The following PHF3 variants were observed in gnomAD, a reference collection of about 807,000 sequenced individuals.
The protein encoded by PHF3 is PHD finger protein 3.
A neutral mutation model predicts 178.4 loss-of-function variants in PHF3; 41 were observed. That is an observed-to-expected ratio of 0.23 (90% confidence interval 0.18 to 0.30). The LOEUF is 0.30. Ranked by LOEUF, PHF3 falls within the 10% of genes least tolerant of loss-of-function variation. PHF3 has a pLI of 1.00. For synonymous variants in PHF3, 842 were observed against 800.5 expected, an observed-to-expected ratio of 1.05 and a Z score of -0.88; for missense variants, 2,346 against 2,398.1, an observed-to-expected ratio of 0.98 and a Z score of 0.45.
At chr6:63,658,703 A>G (rs1765337944) in intron 2 of PHF3, among the ~76,000 whole-genome samples, 1 of 137,938 alleles carries the variant, frequency 7.2e-6, no homozygotes, top group Non-Finnish European at 1.5e-5. Context: ...CAGAACCAAT[A>G]GATTTTGTGT....
At chr6:63,710,279 C>T (rs1372226533) in intron 14 of PHF3, among the ~76,000 whole-genome samples, 2 of 152,066 alleles carry the variant, frequency 1.3e-5, no homozygotes, top group Admixed American at 6.6e-5. Context: ...ATATTACTGC[C>T]CAACACTTTA....
chr6:63,642,027 T>TAGTATAACAAACCTGACAA (rs1764598670), intron 1 of PHF3, among the ~76,000 whole-genome samples: 1 of 152,224 alleles, frequency 6.6e-6, no homozygotes, highest in Admixed American at 6.5e-5. Flanking sequence ...GCTATTTTGT[T>TAGTATAACAAACCTGACAA]AGTATAAACT....
intron 1 of PHF3, among the ~76,000 whole-genome samples, chr6:63,641,338 C>A (rs975456909): frequency 6.6e-6 from 1 of 152,104 alleles, no homozygotes; most frequent in Non-Finnish European, 1.5e-5. Context: ...CCATCACCAC[C>A]ACCATCACTA....
chr6:63,640,646 A>G (rs898144373), intron 1 of PHF3, among the ~76,000 whole-genome samples: 1 of 151,878 alleles, frequency 6.6e-6, no homozygotes, highest in Non-Finnish European at 1.5e-5. Context: ...GAGATAGCTT[A>G]AACAAACAAA....
In PHF3 at chr6:63,712,679, A is replaced by G. The variant is rs1247176035; in HGVS notation, c.5091A>G (p.Val1697=). The G allele has an allele frequency of 6.2e-7, 1 of 1,613,878 alleles. No homozygotes were observed. The highest frequency in any genetic ancestry group is 1.3e-5 in the African/African-American group (1 of 74,910). Residue 1697 remains valine (V), a synonymous_variant, in exon 16 of 16, where the codon GTA becomes GTG. Coordinates refer to ENST00000262043, the MANE Select transcript of PHF3 (RefSeq NM_001370348.2). ...AGCACTTAACAGAACAAATCAATGTAGAGGAAAAGTTGTGTTCTGCAGAGA... is the reference window on the plus strand; with the variant it reads ...AGCACTTAACAGAACAAATCAATGTGGAGGAAAAGTTGTGTTCTGCAGAGA... ...NKEHLTEQIN[V]EEKLCSAEKN...
intron 2 of PHF3, among the ~76,000 whole-genome samples, chr6:63,666,158 C>G (rs369343757): frequency 1.3e-5 from 2 of 152,104 alleles, no homozygotes; most frequent in African/African-American, 4.8e-5. Flanking sequence ...ATAAGGATGT[C>G]TTTTGAAGGA....
rs1173037733 is a variant in PHF3 at position 63,722,731 on chromosome 6, C to G, written c.*9023C>G. Among the ~76,000 whole-genome samples the G allele has an allele frequency of 6.6e-6, 1 of 152,162 alleles. No homozygotes were observed. Among genetic ancestry groups the G allele is most frequent in the African/African-American group, 2.4e-5 (1 of 41,444 alleles). On this transcript the variant is annotated 3_prime_UTR_variant, in exon 16 of 16. Coordinates refer to ENST00000262043, the MANE Select transcript of PHF3 (RefSeq NM_001370348.2). The stretch of plus-strand genomic sequence containing the variant: ...TCGGCATTATGCTACACTACTTCTT[C>G]CTCCCTCCAGAGTGCCTATTTCCAC...
intron 2 of PHF3, among the ~76,000 whole-genome samples, chr6:63,659,451 C>T (rs952268273): frequency 6.6e-6 from 1 of 152,068 alleles, no homozygotes; most frequent in Non-Finnish European, 1.5e-5. Context: ...GCACCCAGCT[C>T]TTTTCTCTTA....
At chr6:63,688,103 G>A (rs549014084) in intron 4 of PHF3, among the ~76,000 whole-genome samples, 3 of 148,990 alleles carry the variant, frequency 2.0e-5, no homozygotes, top group South Asian at 2.1e-4. Flanking sequence ...GGAATGGCGC[G>A]TGAACCCGGG....
chr6:63,637,491 C>T (rs918450064), intron 1 of PHF3, among the ~76,000 whole-genome samples: 1 of 152,176 alleles, frequency 6.6e-6, no homozygotes, highest in Non-Finnish European at 1.5e-5. Context: ...TAGCTCCCTT[C>T]CACAGCACAA....
rs1306402474 is a variant in PHF3 at position 63,718,779 on chromosome 6, A to G, written c.*5071A>G. 4.6e-5 allele frequency among the ~76,000 whole-genome samples: 7 copies of G among 152,042 alleles called. No individual in the cohort carries two copies. The highest frequency in any genetic ancestry group is 1.7e-4 in the African/African-American group (7 of 41,436). ...ATTATGAGAGAACACATGGCCGAAT[A>G]TGATGGGAGTGTGGTTCAGGCAGTT... On this transcript the variant is annotated 3_prime_UTR_variant, in exon 16 of 16. Transcript: ENST00000262043.
At chr6:63,703,160 G>C (rs1452735095) in intron 10 of PHF3, among the ~76,000 whole-genome samples, 2 of 152,184 alleles carry the variant, frequency 1.3e-5, no homozygotes, top group East Asian at 3.9e-4. Flanking sequence ...TCACAGGTGT[G>C]AGCCACCGTG....
Position 63,680,274 on chromosome 6 carries a change from C to A in PHF3, c.406+113C>A, listed in dbSNP as rs375655162. 9.9e-6 allele frequency: 9 copies of A among 907,628 alleles called. No homozygotes were observed. In the Admixed American group the frequency reaches 2.5e-4, roughly 25 times the overall value. 56.2% of individuals were successfully genotyped at this position (907,628 alleles called of 1,614,324 possible). On this transcript the variant is annotated intron_variant, in intron 3 of 15. Coordinates refer to ENST00000262043, the MANE Select transcript of PHF3 (RefSeq NM_001370348.2). ...TTTCTTGATGTTTTGCTAATCCATT[C>A]GTTTTGATGGCAATCAGTTTTGAGA...
rs562015956 is a variant in PHF3 at position 63,645,768 on chromosome 6, A to G, written c.-25-759A>G. ...TGCTGAGCAATGTAGGTACAATTCA[A>G]ATGGGAGACTAACTTGATACTTGTA... is the stretch of plus-strand genomic sequence containing the variant. On this transcript the variant is annotated intron_variant, in intron 1 of 15. Transcript: ENST00000262043. Among the ~76,000 whole-genome samples the G allele has an allele frequency of 3.3e-5, 5 of 152,316 alleles. No homozygotes were observed. The South Asian group carries it at 1.0e-3, about 32-fold the overall frequency.
chr6:63,694,247 G>GT (rs1767135367), intron 5 of PHF3, among the ~76,000 whole-genome samples: 1 of 152,182 alleles, frequency 6.6e-6, no homozygotes, highest in South Asian at 2.1e-4. Context: ...ACACTTGCTA[G>GT]TATATAAGTG....
At chr6:63,705,797 T>TC (rs1767663943) in intron 11 of PHF3, among the ~76,000 whole-genome samples, 1 of 152,182 alleles carries the variant, frequency 6.6e-6, no homozygotes, top group Admixed American at 6.6e-5. Flanking sequence ...TAAGCTTAGG[T>TC]CCCTGTATAT....
chr6:63,703,623 A>C lies in PHF3; in HGVS notation c.3319A>C (p.Ser1107Arg), dbSNP rs1035172257. ...TGACTCTATGTCTAAAGATACCACT[A>C]GTCAACACAGACAGCATCTTTTTGA... ...EVDSMSKDTT[S>R]QHRQHLFDLN... is the part of the protein sequence containing the mutation. Residue 1107 changes from serine (S) to arginine (R), a missense_variant, in exon 11 of 16, where the codon AGT (serine) becomes CGT (arginine). Transcript: ENST00000262043. 1 of 1,612,100 alleles carries C rather than the reference A, an allele frequency of 6.2e-7. No individual in the cohort carries two copies. The highest frequency in any genetic ancestry group is 1.3e-5 in the African/African-American group (1 of 74,818).
Position 63,694,614 on chromosome 6 carries a change from A to G in PHF3, c.2530A>G (p.Arg844Gly). 1 of 1,573,300 alleles carries G rather than the reference A, an allele frequency of 6.4e-7. No individual in the cohort carries two copies. Among genetic ancestry groups the G allele is most frequent in the Non-Finnish European group, 8.6e-7 (1 of 1,158,106 alleles). ...SGEGRNSSDC[R>G]DNEIKKWQLA... ...TGAAGGCAGAAATTCATCAGACTGT[A>G]GAGATAATGAAATTAAAAAATGGCA... Residue 844 changes from arginine to glycine, a missense_variant, in exon 6 of 16, where the codon AGA becomes GGA. By Grantham distance (125) the Arg-to-Gly change is moderately radical (BLOSUM62 -2). Coordinates refer to ENST00000262043, the MANE Select transcript of PHF3 (RefSeq NM_001370348.2).
intron 3 of PHF3, among the ~76,000 whole-genome samples, chr6:63,680,810 CCT>C (rs1389205587): frequency 6.6e-6 from 1 of 151,954 alleles, no homozygotes; most frequent in Non-Finnish European, 1.5e-5. Context: ...CCTCTTGGAG[CCT>C]TCTGATCCCC....
Sources: gnomAD v4.1 joint callset for allele counts (sites outside exome capture counted in the v4.1 genomes callset) on GRCh38, gnomAD v4.1.1 for gene constraint, MANE v1.5 for transcripts, NCBI Gene and HGNC (gene_info 2026-07-23, HGNC 2026-07-21) for gene names.